CYP2F1: variants seen among roughly 807,000 people sequenced by gnomAD.
CYP2F1 encodes the protein cytochrome P450 2F1.
CYP2F1 carries 33 observed loss-of-function variants against 40.4 expected under a neutral mutation model. The ratio of observed to expected loss-of-function variants is 0.82; its 90% CI spans 0.62 to 1.09. The LOEUF is 1.09. Ranked by LOEUF, CYP2F1 falls within the 50% of genes least tolerant of loss-of-function variation. CYP2F1 has a pLI of 0.00. For missense variants in CYP2F1, 566 were observed against 655.7 expected (o/e 0.86, Z 1.49); for synonymous variants, 235 against 277.2 (o/e 0.85, Z 1.51).
chr19:41,120,076 G>A (rs2032097456), intron 3 of CYP2F1, among the ~76,000 whole-genome samples: 2 of 152,060 alleles, frequency 1.3e-5, no homozygotes, highest in South Asian at 4.1e-4. Context: ...GAAGGAGACA[G>A]CCCCATCACC....
chr19:41,119,748 T>TATACACACACAC (rs1337166345), intron 3 of CYP2F1, among the ~76,000 whole-genome samples: 7 of 36,104 alleles, frequency 1.9e-4, no homozygotes, highest in East Asian at 1.2e-3. Flanking sequence ...TATATATATA[T>TATACACACACAC]ACACACACAC....
At chr19:41,117,917 T>G (rs2031919079) in intron 3 of CYP2F1, among the ~76,000 whole-genome samples, 1 of 152,092 alleles carries the variant, frequency 6.6e-6, no homozygotes, top group African/African-American at 2.4e-5. Context: ...TGACGCAATC[T>G]CAGCTCACTG....
Position 41,116,203 on chromosome 19 carries a change from C to T in CYP2F1, c.15C>T (p.Ser5=). Residue 5 remains serine (S), a synonymous_variant, in exon 2 of 10, where the codon AGC becomes AGT. Coordinates refer to ENST00000331105, the MANE Select transcript of CYP2F1 (RefSeq NM_000774.5). The part of the protein sequence containing the change: MDSI[S]TAILLLLLAL... ...CTGCCTTCACCATGGACAGCATAAG[C>T]ACAGCCATCTTACTCCTGCTCCTGG... 6.5e-7 allele frequency: 1 copy of T among 1,547,000 alleles called. No individual in the cohort carries two copies. Among genetic ancestry groups the T allele is most frequent in the Non-Finnish European group, 8.6e-7 (1 of 1,156,242 alleles).
intron 1 of CYP2F1, 45 bp from the exon 2 acceptor site, chr19:41,116,133 G>A (rs761011867): frequency 3.2e-4 from 447 of 1,415,960 alleles, no homozygotes; most frequent in South Asian, 1.7e-3. Context: ...TGGAAAGGAG[G>A]GATCAGCGAT....
At chr19:41,124,250 C>CG (rs56760943) in intron 7 of CYP2F1, among the ~76,000 whole-genome samples, 10 of 102,680 alleles carry the variant, frequency 9.7e-5, no homozygotes, top group Non-Finnish European at 1.7e-4. Context: ...CCTCTTCCCC[C>CG]CCCCCTTTTT....
chr19:41,123,829 C>T (rs543859199), intron 7 of CYP2F1, among the ~76,000 whole-genome samples: 1 of 152,224 alleles, frequency 6.6e-6, no homozygotes, highest in South Asian at 2.1e-4. Context: ...TGCCTCCACC[C>T]GCTTAGTCTT....
At chr19:41,119,723 C>CTATATATA (rs1290627675) in intron 3 of CYP2F1, among the ~76,000 whole-genome samples, 64 of 35,750 alleles carry the variant, frequency 1.8e-3, no homozygotes, top group African/African-American at 3.2e-3. Context: ...CTCTCTCTCT[C>CTATATATA]TATATATATA....
chr19:41,114,828 G>T (rs1249123503), intron 1 of CYP2F1, among the ~76,000 whole-genome samples: 2 of 131,688 alleles, frequency 1.5e-5, no homozygotes, highest in African/African-American at 5.8e-5. Flanking sequence ...GGAGTGCAGT[G>T]GTTCAATCTC....
chr19:41,123,343 AGCCTCCC>A, intron 7 of CYP2F1: 1 of 369,468 alleles, frequency 2.7e-6, no homozygotes, highest in Non-Finnish European at 5.4e-6. Context: ...CTGGGATTAC[AGCCTCCC>A]AAGTAGCTGG....
intron 3 of CYP2F1, among the ~76,000 whole-genome samples, chr19:41,117,180 G>A (rs2031869287): frequency 6.6e-6 from 1 of 151,892 alleles, no homozygotes; most frequent in South Asian, 2.1e-4. Context: ...ACCCAGGCCG[G>A]AGTGAAGTGG....
intron 9 of CYP2F1, among the ~76,000 whole-genome samples, chr19:41,126,065 G>A (rs1026985481): frequency 3.9e-5 from 6 of 151,916 alleles, no homozygotes; most frequent in East Asian, 1.9e-4. Context: ...CCCAGGAGGC[G>A]GAGGTTGCAG....
chr19:41,119,917 G>A (rs2032086535), intron 3 of CYP2F1, among the ~76,000 whole-genome samples: 1 of 151,348 alleles, frequency 6.6e-6, no homozygotes. Flanking sequence ...CTCCAGCCTG[G>A]GTAACAGAGC....
chr19:41,125,768 C>T, intron 9 of CYP2F1, 134 bp downstream of exon 9: 1 of 1,560,268 alleles, frequency 6.4e-7, no homozygotes, highest in South Asian at 1.2e-5. Context: ...TTCATTCCTC[C>T]TCTCAACTCT....
At chr19:41,123,677 A>G (rs909558025) in intron 7 of CYP2F1, among the ~76,000 whole-genome samples, 1 of 151,826 alleles carries the variant, frequency 6.6e-6, no homozygotes, top group Non-Finnish European at 1.5e-5. Context: ...CACCACACTC[A>G]ATACACTCAG....
At position 41,122,605 on chromosome 19, in the gene CYP2F1, A is replaced by T. The variant is rs1198332804; in HGVS notation, c.823-217A>T. Among the ~76,000 whole-genome samples the T allele has an allele frequency of 5.9e-5, 9 of 152,134 alleles. No individual in the cohort carries two copies. The South Asian group carries it at 6.2e-4, about 10-fold the overall frequency. ...CATACATACATAAAACGTATTTTTT[A>T]AAAAAACAAGAAGTCATTCAAGCTC... On this transcript the variant is annotated intron_variant, in intron 6 of 9. Transcript: ENST00000331105.
chr19:41,125,653 GTCTT>G lies in CYP2F1; in HGVS notation c.1294+23_1294+26del, dbSNP rs745868690. 1.9e-6 allele frequency: 3 copies of G among 1,613,670 alleles called. No individual in the cohort carries two copies. The highest frequency in any genetic ancestry group is 1.3e-5 in the African/African-American group (1 of 74,824). On this transcript the variant is annotated intron_variant, in intron 9 of 9. Transcript: ENST00000331105. ...TCAGCTGGTGAGGGCAGGAATCAGA[GTCTT>G]TCTGGCCCAATTTCTACCTACATTC...
intron 3 of CYP2F1, among the ~76,000 whole-genome samples, chr19:41,117,833 TA>T (rs1233584112): frequency 3.5e-5 from 2 of 57,496 alleles, no homozygotes; most frequent in African/African-American, 2.3e-4. Context: ...CTTCAAACTT[TA>T]TTTATTTATT....
chr19:41,124,634 CCA>C, intron 7 of CYP2F1, 83 bp from the exon 8 acceptor site: 3 of 1,258,448 alleles, frequency 2.4e-6, no homozygotes, highest in East Asian at 2.5e-5. Flanking sequence ...AGACGCCTCC[CCA>C]CACACGCACA....
rs757331747 is a variant in CYP2F1 at position 41,124,827 on chromosome 19, G to C, written c.1073G>C (p.Arg358Pro). 6 of 1,611,768 alleles carry C rather than the reference G, an allele frequency of 3.7e-6. No individual in the cohort carries two copies. Among genetic ancestry groups the C allele is most frequent in the Non-Finnish European group, 5.1e-6 (6 of 1,179,822 alleles). ...GACGCGGTGATCCACGAGGTGCAGC[G>C]CTTTGCAGACATCATCCCCATGAAC... The part of the protein sequence containing the change: ...YTDAVIHEVQ[R>P]FADIIPMNLP... The change falls in exon 8 of 10, where the codon CGC (arginine) becomes CCC (proline). Residue 358 changes from arginine (R) to proline (P), a missense_variant. By Grantham distance (103) the Arg-to-Pro change is moderately radical. Transcript: ENST00000331105.
Sources: gnomAD v4.1 joint callset for allele counts (sites outside exome capture counted in the v4.1 genomes callset) on GRCh38, gnomAD v4.1.1 for gene constraint, MANE v1.5 for transcripts, NCBI Gene and HGNC (gene_info 2026-07-23, HGNC 2026-07-21) for gene names.